The following ANAPC10 variants were observed in gnomAD, a reference collection of about 807,000 sequenced individuals.
ANAPC10 encodes the protein anaphase-promoting complex subunit 10.
Under a neutral mutation model 22.0 loss-of-function variants are expected in ANAPC10, and 12 were observed. The ratio of observed to expected loss-of-function variants is 0.55; its 90% CI spans 0.35 to 0.88. ANAPC10 has a LOEUF of 0.88. Among genes scored for constraint, ANAPC10 ranks in the 40% least tolerant of loss-of-function variants. The probability of loss-of-function intolerance (pLI) is 0.01; values close to 1 mark genes in which losing one functional copy is unlikely to be tolerated. For synonymous variants in ANAPC10, 65 were observed against 69.5 expected, an observed-to-expected ratio of 0.94 and a Z score of 0.32; for missense variants, 188 against 220.9, an observed-to-expected ratio of 0.85 and a Z score of 0.94.
chr4:145,056,204 A>C (rs1742047718), intron 4 of ANAPC10, among the ~76,000 whole-genome samples: 1 of 152,204 alleles, frequency 6.6e-6, no homozygotes, highest in African/African-American at 2.4e-5. Context: ...TTGCTAATAA[A>C]ACAGGCTGCA....
intron 4 of ANAPC10, among the ~76,000 whole-genome samples, chr4:145,031,591 G>C (rs1003791348): frequency 2.0e-5 from 3 of 152,212 alleles, no homozygotes; most frequent in African/African-American, 7.2e-5. Flanking sequence ...GTGGGGTCCA[G>C]AACAGGAGAA....
chr4:144,999,732 C>T (rs1483411206), intron 4 of ANAPC10, among the ~76,000 whole-genome samples: 2 of 152,140 alleles, frequency 1.3e-5, no homozygotes, highest in African/African-American at 4.8e-5. Flanking sequence ...CAAAAAAGAG[C>T]CCGCATTGCC....
At chr4:145,066,102 A>G (rs1333090087) in intron 3 of ANAPC10, among the ~76,000 whole-genome samples, 2 of 152,170 alleles carry the variant, frequency 1.3e-5, no homozygotes, top group Non-Finnish European at 2.9e-5. Context: ...CTCCTTGAAC[A>G]GAAGTACTCT....
chr4:145,038,231 G>A (rs1221314449), intron 4 of ANAPC10, among the ~76,000 whole-genome samples: 2 of 152,110 alleles, frequency 1.3e-5, no homozygotes, highest in African/African-American at 4.8e-5. Flanking sequence ...AGCTAACTAG[G>A]GCCGGGCATG....
intron 4 of ANAPC10, among the ~76,000 whole-genome samples, chr4:145,022,479 A>G (rs982860789): frequency 6.6e-5 from 10 of 152,098 alleles, no homozygotes; most frequent in Admixed American, 6.6e-5. Flanking sequence ...ATGCAAAGGC[A>G]TAAGAATGAT....
At chr4:145,024,515 T>C (rs1285843083) in intron 4 of ANAPC10, among the ~76,000 whole-genome samples, 6 of 152,216 alleles carry the variant, frequency 3.9e-5, no homozygotes, top group Non-Finnish European at 7.3e-5. Flanking sequence ...AAAACATTAA[T>C]TTCCTTGTAC....
chr4:145,013,134 T>C (rs1392802215), intron 4 of ANAPC10, among the ~76,000 whole-genome samples: 1 of 152,186 alleles, frequency 6.6e-6, no homozygotes, highest in African/African-American at 2.4e-5. Flanking sequence ...TTAAGTGTCT[T>C]TTCTTTACAA....
rs192399207 is a variant in ANAPC10, at chr4:145,031,906, G to A, written c.327+32666C>T. On this transcript the variant is annotated intron_variant, in intron 4 of 4. Transcript: ENST00000507656. ...CTGAACTGACTATCATGAACTGGGCGCTTTCTGACCCATCTAACTATAAAG... is the reference window on the plus strand; with the variant it reads ...CTGAACTGACTATCATGAACTGGGCACTTTCTGACCCATCTAACTATAAAG... Among the ~76,000 whole-genome samples, 222 of 152,284 alleles carry A rather than the reference G, an allele frequency of 1.5e-3. 1 individual carries two copies. The highest frequency in any genetic ancestry group is 5.0e-3 in the African/African-American group (206 of 41,566).
At chr4:145,020,722 A>T (rs1477724754) in intron 4 of ANAPC10, among the ~76,000 whole-genome samples, 2 of 152,140 alleles carry the variant, frequency 1.3e-5, no homozygotes, top group Non-Finnish European at 2.9e-5. Context: ...TGACAAAAGA[A>T]TTCAGTAAAG....
intron 4 of ANAPC10, among the ~76,000 whole-genome samples, chr4:145,028,089 G>T (rs1035652079): frequency 6.6e-6 from 1 of 152,184 alleles, no homozygotes; most frequent in Non-Finnish European, 1.5e-5. Flanking sequence ...CTGTTAGATG[G>T]TGTGATGGTT....
At chr4:145,004,289 C>G (rs1222589699) in intron 4 of ANAPC10, among the ~76,000 whole-genome samples, 1 of 151,742 alleles carries the variant, frequency 6.6e-6, no homozygotes, top group Non-Finnish European at 1.5e-5. Flanking sequence ...CATCTGCAAA[C>G]AGTGTTAGTT....
chr4:145,082,036 T>C (rs910875606), intron 2 of ANAPC10, among the ~76,000 whole-genome samples: 4 of 152,142 alleles, frequency 2.6e-5, no homozygotes, highest in African/African-American at 7.2e-5. Context: ...CCAGAATTCT[T>C]CTACCCTTTT....
chr4:145,052,334 A>T (rs974004163), intron 4 of ANAPC10, among the ~76,000 whole-genome samples: 1 of 152,236 alleles, frequency 6.6e-6, no homozygotes, highest in Non-Finnish European at 1.5e-5. Flanking sequence ...TCTACAATGT[A>T]TAAAAATATC....
chr4:145,025,220 G>A (rs571819480), intron 4 of ANAPC10, among the ~76,000 whole-genome samples: 1 of 151,924 alleles, frequency 6.6e-6, no homozygotes, highest in South Asian at 2.1e-4. Context: ...CAATAAGGCT[G>A]TTTTGCTTTC....
intron 4 of ANAPC10, among the ~76,000 whole-genome samples, chr4:145,051,603 A>C (rs1741112259): frequency 6.6e-6 from 1 of 152,222 alleles, no homozygotes; most frequent in South Asian, 2.1e-4. Context: ...TACTTAGTAT[A>C]CAATGAAAAT....
At chr4:145,031,432 G>T (rs1402972541) in intron 4 of ANAPC10, among the ~76,000 whole-genome samples, 1 of 152,204 alleles carries the variant, frequency 6.6e-6, no homozygotes, top group Non-Finnish European at 1.5e-5. Flanking sequence ...TAAGGTGAAG[G>T]ATAAGTTGCT....
At chr4:145,048,596 C>T (rs900527135) in intron 4 of ANAPC10, among the ~76,000 whole-genome samples, 3 of 152,064 alleles carry the variant, frequency 2.0e-5, no homozygotes, top group Non-Finnish European at 4.4e-5. Flanking sequence ...GTTGACAGCG[C>T]TGACATATTT....
chr4:145,014,477 C>T (rs1318428428), intron 4 of ANAPC10, among the ~76,000 whole-genome samples: 1 of 151,992 alleles, frequency 6.6e-6, no homozygotes, highest in East Asian at 1.9e-4. Context: ...CAAACCCTGC[C>T]CCTACCTGAT....
At chr4:145,053,774 CATG>C in intron 4 of ANAPC10, 1 of 649,002 alleles carries the variant, frequency 1.5e-6, no homozygotes, top group Non-Finnish European at 2.8e-6. Context: ...ACATGTAAAA[CATG>C]AGGCTGAAAA....
Sources: allele counts gnomAD v4.1 joint callset (sites outside exome capture counted in the v4.1 genomes callset), GRCh38; gene constraint gnomAD v4.1.1; transcripts MANE v1.5; gene names NCBI Gene and HGNC (gene_info 2026-07-23, HGNC 2026-07-21).